The following WDFY1 variants were observed in gnomAD, a reference collection of about 807,000 sequenced individuals.
The protein encoded by WDFY1 is WD repeat and FYVE domain containing 1, also known as WD repeat and FYVE domain-containing protein 1.
Under a neutral mutation model 56.4 loss-of-function variants are expected in WDFY1, and 32 were observed. That is an observed-to-expected ratio of 0.57 (90% CI 0.43 to 0.76). WDFY1 has a LOEUF of 0.76. WDFY1 is among the 30% of genes least tolerant of loss of function. WDFY1 has a pLI of 0.00. For synonymous variants in WDFY1, 192 were observed against 197.3 expected (o/e 0.97, Z 0.23); for missense variants, 480 against 545.7 (o/e 0.88, Z 1.20).
At chr2:223,914,507 T>C (rs1418041897) in intron 2 of WDFY1, among the ~76,000 whole-genome samples, 1 of 152,244 alleles carries the variant, frequency 6.6e-6, no homozygotes, top group East Asian at 1.9e-4. Context: ...ATTTATGTCT[T>C]GTTTATGACT....
At position 223,899,078 on chromosome 2, in the gene WDFY1, G is replaced by A. The variant is rs747189703; in HGVS notation, c.486-8C>T. 2 of 1,610,520 alleles carry A rather than the reference G, an allele frequency of 1.2e-6. No individual in the cohort carries two copies. Among genetic ancestry groups the A allele is most frequent in the South Asian group, 2.2e-5 (2 of 91,002 alleles). On this transcript the variant is annotated splice_polypyrimidine_tract_variant and splice_region_variant and intron_variant, in intron 5 of 11. Transcript: ENST00000233055. ...TGAGTGTCAAAGTCATATCTGAGGA[G>A]AAGCAGTCAAGGATGTAGAACAGAA...
At position 223,878,418 on chromosome 2, in the gene WDFY1, G is replaced by A. The variant is rs572889001; in HGVS notation, c.*253C>T. 22 of 400,112 alleles carry A rather than the reference G, an allele frequency of 5.5e-5. No individual in the cohort carries two copies. In the East Asian group the frequency reaches 8.6e-4, roughly 16 times the overall value. 24.8% of individuals were successfully genotyped at this position (400,112 alleles called of 1,614,324 possible). ...CTCATTCTTTCACTACACATTAGCT[G>A]TTCATGGGGAAGTTTTGCTGAAGTA... On this transcript the variant is annotated 3_prime_UTR_variant, in exon 12 of 12. Coordinates refer to ENST00000233055, the MANE Select transcript of WDFY1 (RefSeq NM_020830.5).
intron 1 of WDFY1, among the ~76,000 whole-genome samples, chr2:223,921,148 C>G (rs1693879081): frequency 6.6e-6 from 1 of 152,118 alleles, no homozygotes; most frequent in South Asian, 2.1e-4. Context: ...TTTGTTAGAA[C>G]CTGTCCAACT....
At chr2:223,917,872 G>A (rs768636355) in intron 2 of WDFY1, 71 bp downstream of exon 2, 354 of 1,579,592 alleles carry the variant, frequency 2.2e-4, no homozygotes, top group Non-Finnish European at 2.7e-4. Context: ...ATGCTCAGCC[G>A]ACATTTTGAA....
chr2:223,886,558 C>T (rs1230618226), intron 8 of WDFY1, among the ~76,000 whole-genome samples: 1 of 151,654 alleles, frequency 6.6e-6, no homozygotes, highest in Non-Finnish European at 1.5e-5. Context: ...AACCCCATCT[C>T]TACTAAAAAC....
chr2:223,897,468 T>C (rs967574189), intron 6 of WDFY1, among the ~76,000 whole-genome samples: 2 of 149,860 alleles, frequency 1.3e-5, no homozygotes, highest in Non-Finnish European at 1.5e-5. Flanking sequence ...AACCTCTGCC[T>C]CCCGGGTTCA....
chr2:223,880,567 A>G lies in WDFY1; in HGVS notation c.1065-335T>C, dbSNP rs371123032. Among the ~76,000 whole-genome samples the G allele has an allele frequency of 2.1e-4, 31 of 149,564 alleles. 1 individual carries two copies. In the East Asian group the frequency reaches 5.1e-3, roughly 25 times the overall value. ...GGCTGCAGTGAGCCGAGATTGTACCACTGCACTCCAGCCCAGGTGATCAAC... is the reference window on the plus strand; with the variant it reads ...GGCTGCAGTGAGCCGAGATTGTACCGCTGCACTCCAGCCCAGGTGATCAAC... On this transcript the variant is annotated intron_variant, in intron 10 of 11. Coordinates refer to ENST00000233055, the MANE Select transcript of WDFY1 (RefSeq NM_020830.5).
In WDFY1 at chr2:223,882,066, A is replaced by C; in HGVS notation, c.940T>G (p.Cys314Gly). 1.2e-6 allele frequency: 2 copies of C among 1,613,414 alleles called. No individual in the cohort carries two copies. The highest frequency in any genetic ancestry group is 1.1e-5 in the South Asian group (1 of 91,060). Residue 314 changes from cysteine (C) to glycine (G), a missense_variant, in exon 10 of 12, where the codon TGC becomes GGC. Cys to Gly is a radical substitution (Grantham distance 159, BLOSUM62 -3). Coordinates refer to ENST00000233055, the MANE Select transcript of WDFY1 (RefSeq NM_020830.5). ...CAGACAGCCTGCCCGCATTTCCTGC[A>C]GTGATGCTTCACAGGTGACCGGGAG... ...TKTLGLRQHH[C>G]RKCGQAVCGK... is the part of the protein sequence containing the mutation.
At chr2:223,919,268 T>C (rs1233657994) in intron 1 of WDFY1, among the ~76,000 whole-genome samples, 1 of 152,244 alleles carries the variant, frequency 6.6e-6, no homozygotes, top group East Asian at 1.9e-4. Flanking sequence ...TGGAGCGCAG[T>C]GGCACGATCT....
intron 3 of WDFY1, among the ~76,000 whole-genome samples, chr2:223,908,056 AC>A (rs1047558030): frequency 6.0e-5 from 2 of 33,098 alleles, no homozygotes; most frequent in African/African-American, 1.4e-4. Context: ...ATGAGGTCTC[AC>A]TAATATTGCC....
At chr2:223,930,422 C>T (rs989002530) in intron 1 of WDFY1, among the ~76,000 whole-genome samples, 3 of 152,156 alleles carry the variant, frequency 2.0e-5, no homozygotes, top group Non-Finnish European at 2.9e-5. Flanking sequence ...CTCCGCCTAC[C>T]GGGTTCAGGC....
intron 1 of WDFY1, among the ~76,000 whole-genome samples, chr2:223,925,716 C>A (rs572484274): frequency 1.4e-4 from 22 of 152,334 alleles, no homozygotes; most frequent in African/African-American, 5.3e-4. Context: ...GCCTGCTGCT[C>A]CTCCATCACC....
intron 1 of WDFY1, among the ~76,000 whole-genome samples, chr2:223,931,910 T>G (rs1694082144): frequency 6.6e-6 from 1 of 152,048 alleles, no homozygotes; most frequent in African/African-American, 2.4e-5. Context: ...GGTCTTGAAC[T>G]CCTGGCCTCA....
intron 8 of WDFY1, 126 bp from the exon 9 acceptor site, chr2:223,884,875 T>TTTG: frequency 1.2e-6 from 1 of 849,794 alleles, no homozygotes; most frequent in South Asian, 1.7e-5. Context: ...TTTTTTTTTT[T>TTTG]GGTCTCCCAG....
chr2:223,919,000 T>C (rs1343642177), intron 1 of WDFY1, among the ~76,000 whole-genome samples: 1 of 152,220 alleles, frequency 6.6e-6, no homozygotes, highest in African/African-American at 2.4e-5. Context: ...CAAAGTTTAA[T>C]ATTCAGGTTT....
At chr2:223,944,339 G>A (rs1689365384) in intron 1 of WDFY1, among the ~76,000 whole-genome samples, 1 of 152,272 alleles carries the variant, frequency 6.6e-6, no homozygotes, top group Admixed American at 6.5e-5. Context: ...AACACCTTCC[G>A]AGTACCAGGC....
At chr2:223,921,250 C>T (rs759155993) in intron 1 of WDFY1, among the ~76,000 whole-genome samples, 1 of 152,154 alleles carries the variant, frequency 6.6e-6, no homozygotes, top group Non-Finnish European at 1.5e-5. Context: ...TGACCTAGCA[C>T]CACAGTGAGA....
chr2:223,901,035 T>G, intron 5 of WDFY1, 148 bp downstream of exon 5: 2 of 920,898 alleles, frequency 2.2e-6, no homozygotes, highest in African/African-American at 3.5e-5. Flanking sequence ...TTACTTTCCA[T>G]GGTAAAAAAA....
chr2:223,938,932 T>G (rs1013628608), intron 1 of WDFY1, among the ~76,000 whole-genome samples: 4 of 147,690 alleles, frequency 2.7e-5, no homozygotes, highest in Non-Finnish European at 5.9e-5. Context: ...TCAGCTCACC[T>G]CAACCTCCGC....
Sources: allele counts gnomAD v4.1 joint callset (sites outside exome capture counted in the v4.1 genomes callset), GRCh38; gene constraint gnomAD v4.1.1; transcripts MANE v1.5; gene names NCBI Gene and HGNC (gene_info 2026-07-23, HGNC 2026-07-21).